Variants in CPXM2 observed in about 807,000 individuals in gnomAD.
CPXM2 encodes inactive carboxypeptidase-like protein X2.
A neutral mutation model predicts 86.1 loss-of-function variants in CPXM2; 66 were observed. The observed-to-expected ratio is 0.77, with a 90% CI of 0.63 to 0.94. The LOEUF (loss-of-function observed/expected upper bound fraction) is 0.94, where lower values mean the gene tolerates loss of function less well. CPXM2 is among the 40% of genes least tolerant of loss of function. CPXM2 has a pLI of 0.00. For missense variants in CPXM2, 948 were observed against 1,026.3 expected (o/e 0.92, Z 1.04); for synonymous variants, 388 against 400.2 (o/e 0.97, Z 0.36).
rs372259428 is a variant in CPXM2 at position 123,837,755 on chromosome 10, TA to T, written c.653+4593del. Among the ~76,000 whole-genome samples the T allele has an allele frequency of 4.1e-4, 62 of 152,364 alleles. No homozygotes were observed. The South Asian group carries it at 0.012, about 30-fold the overall frequency. ...AATTTATATTTTTAATGATATTGGATAATTTATATTTGTATAAGTTATCGTA... is the reference window on the plus strand; with the variant it reads ...AATTTATATTTTTAATGATATTGGATATTTATATTTGTATAAGTTATCGTA... On this transcript the variant is annotated intron_variant, in intron 4 of 13. Transcript: ENST00000241305.
At chr10:123,880,128 G>A (rs1008622361) in intron 2 of CPXM2, 83 bp downstream of exon 2, 3 of 692,898 alleles carry the variant, frequency 4.3e-6, no homozygotes, top group Admixed American at 2.3e-5. Context: ...TAGTCAGGCT[G>A]CTGCACCAGG....
chr10:123,853,791 G>A (rs1848649977), intron 3 of CPXM2, among the ~76,000 whole-genome samples: 2 of 152,110 alleles, frequency 1.3e-5, no homozygotes, highest in South Asian at 4.1e-4. Flanking sequence ...TGTAATCCCA[G>A]CTACTCAGGA....
intron 7 of CPXM2, among the ~76,000 whole-genome samples, chr10:123,773,057 T>C (rs939234619): frequency 2.0e-5 from 3 of 152,020 alleles, no homozygotes; most frequent in Non-Finnish European, 4.4e-5. Context: ...CCCCTGGTTG[T>C]GGTTATCACT....
chr10:123,835,655 C>T (rs1266278272), intron 4 of CPXM2, among the ~76,000 whole-genome samples: 2 of 152,222 alleles, frequency 1.3e-5, no homozygotes, highest in Non-Finnish European at 2.9e-5. Context: ...AGCGAGGAGA[C>T]ACAGCATGAC....
intron 2 of CPXM2, among the ~76,000 whole-genome samples, chr10:123,930,617 A>C (rs139532431): frequency 2.9e-3 from 444 of 152,352 alleles, no homozygotes; most frequent in African/African-American, 9.6e-3. Flanking sequence ...GCCCAGAAGC[A>C]GGTTGATGAG....
chr10:123,876,808 G>A (rs1944996338), intron 2 of CPXM2, among the ~76,000 whole-genome samples: 1 of 152,182 alleles, frequency 6.6e-6, no homozygotes, highest in South Asian at 2.1e-4. Flanking sequence ...AGAGCTTACT[G>A]TGTGCTGTGT....
intron 3 of CPXM2, among the ~76,000 whole-genome samples, chr10:123,850,693 T>C (rs1267818991): frequency 2.6e-5 from 4 of 152,224 alleles, no homozygotes; most frequent in Non-Finnish European, 5.9e-5. Context: ...AGTAAAATGC[T>C]TCCTTTAAGT....
intron 2 of CPXM2, among the ~76,000 whole-genome samples, chr10:123,871,640 T>G (rs1181254426): frequency 6.6e-6 from 1 of 152,196 alleles, no homozygotes; most frequent in Admixed American, 6.5e-5. Flanking sequence ...TGAAAATATC[T>G]TCATGACCTT....
At chr10:123,899,907 T>C (rs534792449) in intron 2 of CPXM2, among the ~76,000 whole-genome samples, 5 of 152,074 alleles carry the variant, frequency 3.3e-5, no homozygotes, top group Non-Finnish European at 7.4e-5. Flanking sequence ...GCACAAACCA[T>C]AAGGCAAAAA....
chr10:123,892,698 C>A (rs896106978), upstream of CPXM2, among the ~76,000 whole-genome samples: 1 of 152,200 alleles, frequency 6.6e-6, no homozygotes, highest in South Asian at 2.1e-4. Flanking sequence ...AAGGGGTCAG[C>A]AGGACTGGTT....
Position 123,770,933 on chromosome 10 carries a change from G to C in CPXM2, c.1085C>G (p.Pro362Arg), listed in dbSNP as rs1846614265. The stretch of plus-strand genomic sequence containing the variant: ...CTTCTCACCGACTTCATGCTCCCCA[G>C]GGTGATCTGAGATCTCCACAGCATA... ...KLYAVEISDH[P>R]GEHEVGEPEF... The change falls in exon 8 of 14, where the codon CCT becomes CGT. Residue 362 changes from proline to arginine, a missense_variant. Pro to Arg is a moderately radical substitution (Grantham distance 103). Transcript: ENST00000241305. 1 of 1,613,280 alleles carries C rather than the reference G, an allele frequency of 6.2e-7. No individual in the cohort carries two copies. The highest frequency in any genetic ancestry group is 8.5e-7 in the Non-Finnish European group (1 of 1,179,780).
chr10:123,821,865 G>C (rs1464891560), intron 4 of CPXM2, among the ~76,000 whole-genome samples: 1 of 152,204 alleles, frequency 6.6e-6, no homozygotes, highest in African/African-American at 2.4e-5. Flanking sequence ...CAAATAACAA[G>C]ATGTTAATTC....
intron 2 of CPXM2, among the ~76,000 whole-genome samples, chr10:123,922,991 A>G (rs1194363261): frequency 1.3e-5 from 2 of 152,200 alleles, no homozygotes; most frequent in Non-Finnish European, 2.9e-5. Flanking sequence ...CGTCCCATGC[A>G]GTCTCCACCC....
At chr10:123,751,864 G>C (rs780312205) in intron 13 of CPXM2, 325 of 985,108 alleles carry the variant, frequency 3.3e-4, no homozygotes, top group Admixed American at 7.4e-4. Flanking sequence ...TATTTATAGA[G>C]GGGAAAATCA....
At chr10:123,940,568 CA>C (rs1205264329), upstream of CPXM2, among the ~76,000 whole-genome samples, 1 of 152,200 alleles carries the variant, frequency 6.6e-6, no homozygotes, top group Non-Finnish European at 1.5e-5. Flanking sequence ...TCTCAGTGAG[CA>C]GGCTTATTTC....
chr10:123,763,125 C>T (rs1322089279), intron 10 of CPXM2, among the ~76,000 whole-genome samples: 1 of 152,152 alleles, frequency 6.6e-6, no homozygotes, highest in Non-Finnish European at 1.5e-5. Flanking sequence ...CTGCAACCTC[C>T]GCCTCCCGGG....
chr10:123,751,891 T>A lies in CPXM2; in HGVS notation c.2017+2772A>T, dbSNP rs549485396. 6 of 985,282 alleles carry A rather than the reference T, an allele frequency of 6.1e-6. No individual in the cohort carries two copies. In the East Asian group the frequency reaches 5.7e-4, roughly 93 times the overall value. The allele number at this position is 985,282 out of a possible 1,614,324, so 61.0% of individuals were successfully genotyped here. The stretch of plus-strand genomic sequence containing the variant: ...GGAAAATCAAGGGAGGGAGATGCAT[T>A]TCCCATTAGCTCATCAAAACTGTCT... On this transcript the variant is annotated intron_variant, in intron 13 of 13. Coordinates refer to ENST00000241305, the MANE Select transcript of CPXM2 (RefSeq NM_198148.3).
rs1030674608 is a variant in CPXM2, at chr10:123,865,517, C to T, written c.404-2794G>A. 1.3e-5 allele frequency among the ~76,000 whole-genome samples: 2 copies of T among 152,082 alleles called. No homozygotes were observed. The highest frequency in any genetic ancestry group is 1.9e-4 in the East Asian group (1 of 5,168). ...TGCAGGTGGAAAGGCACAGAGCTCC[C>T]GTCATCTAGGAAGCAGAACAGTGGA... On this transcript the variant is annotated intron_variant, in intron 2 of 13. Transcript: ENST00000241305. The surrounding 1 kb of genome is among the most constrained non-coding windows in gnomAD (Gnocchi z 4.7).
At chr10:123,852,090 A>G (rs1276784131) in intron 3 of CPXM2, among the ~76,000 whole-genome samples, 2 of 152,158 alleles carry the variant, frequency 1.3e-5, no homozygotes, top group African/African-American at 4.8e-5. Context: ...CCTTGATTTC[A>G]GATTTCAAGC....
Sources: allele counts gnomAD v4.1 joint callset (sites outside exome capture counted in the v4.1 genomes callset), GRCh38; gene constraint gnomAD v4.1.1; non-coding constraint Gnocchi (gnomAD v3.1); transcripts MANE v1.5; gene names NCBI Gene and HGNC (gene_info 2026-07-23, HGNC 2026-07-21).